XPO4: variants seen among roughly 807,000 people sequenced by gnomAD.
XPO4 encodes the protein exportin 4.
Under a neutral mutation model 143.0 loss-of-function variants are expected in XPO4, and 39 were observed. The observed-to-expected ratio is 0.27, with a 90% CI of 0.21 to 0.36. The LOEUF is 0.36. XPO4 is among the 10% of genes least tolerant of loss of function. The pLI is 1.00. For missense variants in XPO4, 907 were observed against 1,348.0 expected (o/e 0.67, Z 5.12); for synonymous variants, 439 against 474.0 (o/e 0.93, Z 0.96).
At chr13:20,879,699 C>G (rs2060387567) in intron 1 of XPO4, among the ~76,000 whole-genome samples, 1 of 151,738 alleles carries the variant, frequency 6.6e-6, no homozygotes, top group Non-Finnish European at 1.5e-5. Context: ...TTAAAAGAAC[C>G]AAAAATGTAA....
At chr13:20,888,321 T>C (rs2060479850) in intron 1 of XPO4, among the ~76,000 whole-genome samples, 2 of 152,124 alleles carry the variant, frequency 1.3e-5, no homozygotes, top group South Asian at 4.1e-4. Flanking sequence ...GGCATGATCT[T>C]TTGAGAAGAT....
chr13:20,783,677 T>C lies in XPO4; in HGVS notation c.*45A>G, dbSNP rs1205598314. On this transcript the variant is annotated 3_prime_UTR_variant, in exon 23 of 23. Coordinates refer to ENST00000255305, the MANE Select transcript of XPO4 (RefSeq NM_022459.5). ...CTCAAGTCAACTTTCAGCAATTCAG[T>C]GCACTTTGCAGAAAGGATCTAAATT... is the stretch of plus-strand genomic sequence containing the variant. The C allele has an allele frequency of 3.1e-6, 5 of 1,591,842 alleles. 1 individual carries two copies. In the African/African-American group the frequency reaches 5.4e-5, roughly 17 times the overall value.
intron 1 of XPO4, among the ~76,000 whole-genome samples, chr13:20,880,309 G>C (rs1402931592): frequency 1.3e-5 from 2 of 152,166 alleles, no homozygotes; most frequent in African/African-American, 4.8e-5. Context: ...GCACATGCCT[G>C]TAATCCCAGC....
chr13:20,837,229 G>GT (rs1426257566), intron 6 of XPO4, among the ~76,000 whole-genome samples: 1 of 152,124 alleles, frequency 6.6e-6, no homozygotes, highest in Admixed American at 6.5e-5. Flanking sequence ...TTTGTAGGAT[G>GT]TTTAGGATGT....
At chr13:20,804,575 C>G (rs1302930646) in intron 13 of XPO4, among the ~76,000 whole-genome samples, 3 of 152,104 alleles carry the variant, frequency 2.0e-5, no homozygotes, top group African/African-American at 7.2e-5. Context: ...CCTATAACAC[C>G]CTTACACACT....
intron 13 of XPO4, among the ~76,000 whole-genome samples, chr13:20,802,948 T>C (rs2059454160): frequency 6.6e-6 from 1 of 152,168 alleles, no homozygotes; most frequent in Non-Finnish European, 1.5e-5. Flanking sequence ...TATGCATCTC[T>C]TAATGTGATT....
intron 4 of XPO4, chr13:20,851,383 T>G (rs1566606788): frequency 3.0e-6 from 3 of 985,398 alleles, no homozygotes; most frequent in Non-Finnish European, 2.4e-6. Flanking sequence ...GTATACTGAT[T>G]TCCTACTATT....
At chr13:20,788,763 A>G in intron 19 of XPO4, 147 bp from the exon 20 acceptor site, 2 of 772,676 alleles carry the variant, frequency 2.6e-6, no homozygotes, top group Non-Finnish European at 3.8e-6. Context: ...TGAAGACCAA[A>G]TTAAATGTAA....
intron 6 of XPO4, among the ~76,000 whole-genome samples, chr13:20,834,969 T>C (rs2059899158): frequency 6.6e-6 from 1 of 152,092 alleles, no homozygotes; most frequent in Non-Finnish European, 1.5e-5. Context: ...CTATAAATAA[T>C]AATTTTTAAA....
chr13:20,890,511 G>C (rs2060501878), intron 1 of XPO4, among the ~76,000 whole-genome samples: 1 of 151,632 alleles, frequency 6.6e-6, no homozygotes, highest in African/African-American at 2.4e-5. Context: ...AATACGCAAA[G>C]AGCATGGCCA....
At chr13:20,856,249 C>A in intron 3 of XPO4, 1 of 795,990 alleles carries the variant, frequency 1.3e-6, no homozygotes. Flanking sequence ...ATCCCATTTC[C>A]CTTTAATGTG....
At chr13:20,826,231 T>C (rs1566588298) in intron 7 of XPO4, among the ~76,000 whole-genome samples, 2 of 152,214 alleles carry the variant, frequency 1.3e-5, no homozygotes, top group Non-Finnish European at 2.9e-5. Flanking sequence ...ACATACTGCT[T>C]ACATCTTGAT....
In XPO4 at chr13:20,800,982, G is replaced by C. The variant is rs1023821723; in HGVS notation, c.1826C>G (p.Ser609Cys). ...AACTTCTGAAACTCTGAGAATGGCA[G>C]ACAACAGCCTGTAGGTATAAAACAG... ...NRTDSVIRLL[S>C]AILRVSEVES... The change falls in exon 14 of 23, where the codon TCT (serine) becomes TGT (cysteine). Residue 609 changes from serine to cysteine, a missense_variant. Coordinates refer to ENST00000255305, the MANE Select transcript of XPO4 (RefSeq NM_022459.5). 6.2e-7 allele frequency: 1 copy of C among 1,613,660 alleles called. No homozygotes were observed. Among genetic ancestry groups the C allele is most frequent in the Non-Finnish European group, 8.5e-7 (1 of 1,179,940 alleles).
chr13:20,809,026 C>T (rs2059541975), intron 11 of XPO4, 57 bp downstream of exon 11: 1 of 1,579,380 alleles, frequency 6.3e-7, no homozygotes, highest in East Asian at 2.2e-5. Flanking sequence ...AAGTGCTCTC[C>T]AGGGAATTGT....
In XPO4 at chr13:20,833,623, A is replaced by C. The variant is rs566342255; in HGVS notation, c.728-6444T>G. Among the ~76,000 whole-genome samples, 504 of 152,296 alleles carry C rather than the reference A, an allele frequency of 3.3e-3. 4 individuals carry two copies. Among genetic ancestry groups the C allele is most frequent in the African/African-American group, 0.012 (484 of 41,554 alleles). On this transcript the variant is annotated intron_variant, in intron 6 of 22. Transcript: ENST00000255305. ...TGAATCCAAGGATGTGGAACCCACA[A>C]ACCTGGAGGGCTAACCGTACTTAAA... is the stretch of plus-strand genomic sequence containing the variant.
chr13:20,888,847 A>T (rs2060484915), intron 1 of XPO4, among the ~76,000 whole-genome samples: 1 of 151,984 alleles, frequency 6.6e-6, no homozygotes, highest in South Asian at 2.1e-4. Context: ...TTGTTGCCCA[A>T]GCTGGAGTGC....
Position 20,779,024 on chromosome 13 carries a change from A to G in XPO4, c.*4698T>C, listed in dbSNP as rs2059111401. The G allele has an allele frequency of 6.6e-6, 1 of 152,198 alleles. No homozygotes were observed. Among genetic ancestry groups the G allele is most frequent in the Non-Finnish European group, 1.5e-5 (1 of 68,034 alleles). 9.4% of individuals were successfully genotyped at this position (152,198 alleles called of 1,614,324 possible). ...TAAAATCATATTGCAGCATCTTCTGAAAAACTAAATGCAATTTTATACCTT... is the reference window on the plus strand; with the variant it reads ...TAAAATCATATTGCAGCATCTTCTGGAAAACTAAATGCAATTTTATACCTT... On this transcript the variant is annotated 3_prime_UTR_variant, in exon 23 of 23. Transcript: ENST00000255305.
At chr13:20,882,665 G>GT (rs1403271019) in intron 1 of XPO4, among the ~76,000 whole-genome samples, 2 of 151,980 alleles carry the variant, frequency 1.3e-5, no homozygotes, top group African/African-American at 4.8e-5. Context: ...AGGTGGGTGG[G>GT]TCACCTGGGG....
chr13:20,777,562 C>T lies in XPO4; in HGVS notation c.*6160G>A, dbSNP rs1487611388. 1 of 152,244 alleles carries T rather than the reference C, an allele frequency of 6.6e-6. No individual in the cohort carries two copies. Among genetic ancestry groups the T allele is most frequent in the Non-Finnish European group, 1.5e-5 (1 of 68,050 alleles). The allele number at this position is 152,244 out of a possible 1,614,324, so 9.4% of individuals were successfully genotyped here. On this transcript the variant is annotated 3_prime_UTR_variant, in exon 23 of 23. Transcript: ENST00000255305. ...GGTCAGTCCTTAGAAATAACCATAACATCCAGGGCAGTGCAGTTATAAACA... is the reference window on the plus strand; with the variant it reads ...GGTCAGTCCTTAGAAATAACCATAATATCCAGGGCAGTGCAGTTATAAACA...
Sources: allele counts gnomAD v4.1 joint callset (sites outside exome capture counted in the v4.1 genomes callset), GRCh38; gene constraint gnomAD v4.1.1; transcripts MANE v1.5; gene names NCBI Gene and HGNC (gene_info 2026-07-23, HGNC 2026-07-21).